Variants in MCPH1 observed in about 807,000 individuals in gnomAD.
The protein encoded by MCPH1 is microcephalin.
In MCPH1, 104 loss-of-function variants were observed where a neutral mutation model predicts 84.5. That is an observed-to-expected ratio of 1.23 (90% CI 1.05 to 1.45). The LOEUF (loss-of-function observed/expected upper bound fraction) is 1.45. MCPH1 is among the 40% of genes most tolerant of loss of function. The pLI, the probability that MCPH1 is intolerant of heterozygous loss-of-function variation, is 0.00. For synonymous variants in MCPH1, 514 were observed against 366.8 expected, an observed-to-expected ratio of 1.40 and a Z score of -4.58; for missense variants, 1,498 against 1,005.7, an observed-to-expected ratio of 1.49 and a Z score of -6.62.
chr8:6,585,357 C>A (rs1022378664), intron 12 of MCPH1, among the ~76,000 whole-genome samples: 6 of 152,188 alleles, frequency 3.9e-5, no homozygotes, highest in African/African-American at 1.4e-4. Context: ...GTGGATACTG[C>A]AGGGAGGGAG....
intron 9 of MCPH1, among the ~76,000 whole-genome samples, chr8:6,465,905 C>T (rs564504469): frequency 6.8e-6 from 1 of 146,908 alleles, no homozygotes; most frequent in South Asian, 2.2e-4. Context: ...TAATTATTTC[C>T]TACTCAATTT....
At chr8:6,561,338 C>G (rs1762217621) in intron 12 of MCPH1, among the ~76,000 whole-genome samples, 1 of 152,202 alleles carries the variant, frequency 6.6e-6, no homozygotes, top group Non-Finnish European at 1.5e-5. Context: ...AATGACTCCT[C>G]TTGACACAGT....
chr8:6,502,951 G>A, intron 12 of MCPH1: 1 of 824,230 alleles, frequency 1.2e-6, no homozygotes, highest in Non-Finnish European at 1.9e-6. Context: ...AAAGTTTACA[G>A]GCTCTAATCT....
chr8:6,523,965 G>C (rs1817859695), intron 12 of MCPH1, among the ~76,000 whole-genome samples: 2 of 151,732 alleles, frequency 1.3e-5, no homozygotes, highest in Non-Finnish European at 2.9e-5. Context: ...ACCTAAAGAG[G>C]CTTTCTGTGA....
intron 11 of MCPH1, among the ~76,000 whole-genome samples, chr8:6,485,109 G>A (rs1183715118): frequency 3.3e-5 from 5 of 152,012 alleles, no homozygotes; most frequent in African/African-American, 9.7e-5. Flanking sequence ...TGTGGATCAC[G>A]AGGTCAGCAG....
chr8:6,583,514 G>A (rs771940021), intron 12 of MCPH1, among the ~76,000 whole-genome samples: 29 of 152,192 alleles, frequency 1.9e-4, no homozygotes, highest in Non-Finnish European at 3.5e-4. Flanking sequence ...GTGTGCATAG[G>A]ACATCAAGAA....
intron 11 of MCPH1, among the ~76,000 whole-genome samples, chr8:6,481,712 G>A (rs1809266909): frequency 6.6e-6 from 1 of 152,206 alleles, no homozygotes; most frequent in African/African-American, 2.4e-5. Context: ...AGAGATTAGT[G>A]CTTCTAGTTG....
chr8:6,421,810 C>T (rs1308490547), intron 3 of MCPH1, among the ~76,000 whole-genome samples: 9 of 152,156 alleles, frequency 5.9e-5, no homozygotes, highest in Admixed American at 5.9e-4. Flanking sequence ...CCTTCCCTTC[C>T]ATTGTCAGCT....
At chr8:6,519,579 C>T (rs1816912636) in intron 12 of MCPH1, among the ~76,000 whole-genome samples, 1 of 152,184 alleles carries the variant, frequency 6.6e-6, no homozygotes, top group South Asian at 2.1e-4. Context: ...AAACAACTGA[C>T]AGTATGCATT....
intron 1 of MCPH1, chr8:6,407,035 T>G (rs1797824491): frequency 3.6e-5 from 11 of 305,876 alleles, no homozygotes; most frequent in South Asian, 2.2e-4. Context: ...CGCTGCCTGC[T>G]CCCTCCCCCA....
Position 6,530,139 on chromosome 8 carries a change from G to C in MCPH1, c.2214+30210G>C, listed in dbSNP as rs187106957. On this transcript the variant is annotated intron_variant, in intron 12 of 13. Transcript: ENST00000344683. ...ATGAGCTATTCAATTACCCATCAGT[G>C]TTAGTATCAAAAGGTGGGGCATGTG... Among the ~76,000 whole-genome samples the C allele has an allele frequency of 2.0e-5, 3 of 152,222 alleles. No individual in the cohort carries two copies. In the East Asian group the frequency reaches 5.8e-4, roughly 29 times the overall value.
rs1211710197 is a variant in MCPH1 at position 6,467,737 on chromosome 8, C to T, written c.1936-9857C>T. 3.3e-5 allele frequency among the ~76,000 whole-genome samples: 5 copies of T among 152,150 alleles called. No homozygotes were observed. The South Asian group carries it at 8.3e-4, about 25-fold the overall frequency. ...TTGGCCTCATGAGTAGCTGAGACTC[C>T]AGGCAGGTGCCACCATGCTCAGCTA... is the stretch of plus-strand genomic sequence containing the variant. On this transcript the variant is annotated intron_variant, in intron 9 of 13. Transcript: ENST00000344683.
intron 13 of MCPH1, among the ~76,000 whole-genome samples, chr8:6,642,270 T>C (rs930726367): frequency 9.9e-5 from 15 of 152,176 alleles, no homozygotes; most frequent in Admixed American, 3.3e-4. Context: ...TTCCTTTTTT[T>C]TTCTAACAGT....
chr8:6,510,280 C>T (rs745467308), intron 12 of MCPH1, among the ~76,000 whole-genome samples: 29 of 151,860 alleles, frequency 1.9e-4, no homozygotes, highest in African/African-American at 3.4e-4. Context: ...CATGTTGGCA[C>T]GTTGGGTCCT....
At chr8:6,640,480 G>A (rs1049634834) in intron 13 of MCPH1, among the ~76,000 whole-genome samples, 2 of 152,082 alleles carry the variant, frequency 1.3e-5, no homozygotes, top group African/African-American at 2.4e-5. Context: ...GAATATCTTA[G>A]ATAGGAGATT....
chr8:6,586,113 A>C (rs887437364), intron 12 of MCPH1, among the ~76,000 whole-genome samples: 3 of 152,004 alleles, frequency 2.0e-5, no homozygotes, highest in African/African-American at 7.3e-5. Context: ...AGCATGTGCC[A>C]CCATGCCCAC....
At chr8:6,429,271 C>T (rs1445385397) in intron 3 of MCPH1, among the ~76,000 whole-genome samples, 4 of 152,210 alleles carry the variant, frequency 2.6e-5, no homozygotes, top group Admixed American at 2.0e-4. Flanking sequence ...CAGAGCTTCT[C>T]AGGCTCCACT....
At chr8:6,527,559 T>G (rs1450834399) in intron 12 of MCPH1, 1 of 1,613,618 alleles carries the variant, frequency 6.2e-7, no homozygotes, top group Non-Finnish European at 8.5e-7. Context: ...TATTACCTGT[T>G]CTTATCTTGC....
chr8:6,593,522 T>C lies in MCPH1; in HGVS notation c.2215-27932T>C, dbSNP rs185719733. On this transcript the variant is annotated intron_variant, in intron 12 of 13. Transcript: ENST00000344683. ...GGCACACGCCACCACGCCTGGCTAA[T>C]TTTGTATTTTTAATAAAGATAGCAT... 1.9e-3 allele frequency among the ~76,000 whole-genome samples: 289 copies of C among 152,156 alleles called. 1 individual carries two copies. Among genetic ancestry groups the C allele is most frequent in the African/African-American group, 6.7e-3 (279 of 41,508 alleles).
Sources: gnomAD v4.1 joint callset for allele counts (sites outside exome capture counted in the v4.1 genomes callset) on GRCh38, gnomAD v4.1.1 for gene constraint, MANE v1.5 for transcripts, NCBI Gene and HGNC (gene_info 2026-07-23, HGNC 2026-07-21) for gene names.